Variants in MCUR1 observed in about 807,000 individuals in gnomAD.
MCUR1 encodes mitochondrial calcium uniporter regulator 1, also known as MCU regulator 1.
MCUR1 carries 37 observed loss-of-function variants against 42.0 expected under a neutral mutation model. The observed-to-expected ratio is 0.88, with a 90% CI of 0.68 to 1.16. The LOEUF is 1.16. MCUR1 is among the 50% of genes most tolerant of loss of function. The pLI is 0.00. For missense variants in MCUR1, 469 were observed against 468.4 expected (o/e 1.00, Z -0.01); for synonymous variants, 229 against 196.2 (o/e 1.17, Z -1.40).
Position 13,790,521 on chromosome 6 carries a change from G to A in MCUR1, c.*288C>T, listed in dbSNP as rs543708146. 1 of 177,590 alleles carries A rather than the reference G, an allele frequency of 5.6e-6. No homozygotes were observed. 11.0% of individuals were successfully genotyped at this position (177,590 alleles called of 1,614,324 possible). On this transcript the variant is annotated 3_prime_UTR_variant, in exon 9 of 9. Transcript: ENST00000379170. ...TCTGTTGCCCAGGCTGGAGTGCAGT[G>A]ACGTGATCTCGGCTCACTACAAGCT...
chr6:13,799,856 A>T (rs1324948787), intron 5 of MCUR1, among the ~76,000 whole-genome samples: 2 of 107,438 alleles, frequency 1.9e-5, no homozygotes, highest in Admixed American at 1.1e-4. Context: ...TTTTTGAGAC[A>T]GTTTCGTTCT....
Position 13,786,643 on chromosome 6 carries a change from C to A in MCUR1, c.*4166G>T, listed in dbSNP as rs1461080371. 1 of 152,120 alleles carries A rather than the reference C, an allele frequency of 6.6e-6. No homozygotes were observed. The highest frequency in any genetic ancestry group is 1.5e-5 in the Non-Finnish European group (1 of 68,020). The allele number at this position is 152,120 out of a possible 1,614,324, so 9.4% of individuals were successfully genotyped here. ...GAAATTCACCAGTGTTATCATTATA[C>A]AATTGGCTGGAATTAACAGTTGCAA... is the stretch of plus-strand genomic sequence containing the variant. On this transcript the variant is annotated 3_prime_UTR_variant, in exon 9 of 9. Transcript: ENST00000379170.
chr6:13,814,401 C>A lies in MCUR1; in HGVS notation c.29G>T (p.Arg10Met), dbSNP rs776450046. 1 of 1,538,268 alleles carries A rather than the reference C, an allele frequency of 6.5e-7. No homozygotes were observed. The highest frequency in any genetic ancestry group is 2.5e-5 in the East Asian group (1 of 39,358). The change falls in exon 1 of 9, where the codon AGG (arginine) becomes ATG (methionine). Residue 10 changes from arginine to methionine, a missense_variant. By Grantham distance (91) the Arg-to-Met change is moderately conservative. Transcript: ENST00000379170. MDCGSVGGQ[R>M]TQRLPGRQRL... ...CTGGCGGCCGGGCAGGCGCTGGGTC[C>A]TCTGGCCGCCGACCGAGCCGCAGTC...
At chr6:13,798,717 G>T in intron 6 of MCUR1, 116 bp downstream of exon 6, 1 of 691,838 alleles carries the variant, frequency 1.4e-6, no homozygotes, top group Non-Finnish European at 2.3e-6. Flanking sequence ...GCCTAACACT[G>T]ATAAACAGAT....
chr6:13,814,539 C>A lies in MCUR1; in HGVS notation c.-110G>T. ...CAGCGGGAGCGAGCGTGGGCCACAG[C>A]GCAGGACCGCCCTTTCCTGCCGGGC... On this transcript the variant is annotated 5_prime_UTR_variant, in exon 1 of 9. Coordinates refer to ENST00000379170, the MANE Select transcript of MCUR1 (RefSeq NM_001031713.4). The A allele has an allele frequency of 8.4e-7, 1 of 1,194,662 alleles. No homozygotes were observed. Among genetic ancestry groups the A allele is most frequent in the Non-Finnish European group, 1.1e-6 (1 of 946,566 alleles). 74.0% of individuals were successfully genotyped at this position (1,194,662 alleles called of 1,614,324 possible).
chr6:13,786,922 A>G lies in MCUR1; in HGVS notation c.*3887T>C, dbSNP rs1029141596. On this transcript the variant is annotated 3_prime_UTR_variant, in exon 9 of 9. Transcript: ENST00000379170. ...GGCTAAACATTCTCAAATATTTTAC[A>G]TACATGAAGAATAAATTATTTCTGG... 1.3e-5 allele frequency: 2 copies of G among 152,246 alleles called. No individual in the cohort carries two copies. The highest frequency in any genetic ancestry group is 4.8e-5 in the African/African-American group (2 of 41,468). 9.4% of individuals were successfully genotyped at this position (152,246 alleles called of 1,614,324 possible).
In MCUR1 at chr6:13,806,912, G is replaced by C. The variant is rs1421948415; in HGVS notation, c.535+13C>G. ...TTTTCTAAGGCACTAAATGACGAATGACAGAGGATTACCATTGTCTTCCAG... is the reference window on the plus strand; with the variant it reads ...TTTTCTAAGGCACTAAATGACGAATCACAGAGGATTACCATTGTCTTCCAG... On this transcript the variant is annotated intron_variant, in intron 2 of 8. Transcript: ENST00000379170. 1.3e-6 allele frequency: 2 copies of C among 1,580,370 alleles called. No homozygotes were observed. Among genetic ancestry groups the C allele is most frequent in the Non-Finnish European group, 1.7e-6 (2 of 1,158,912 alleles).
intron 1 of MCUR1, 125 bp from the exon 2 acceptor site, chr6:13,807,169 T>C (rs1760129801): frequency 1.2e-5 from 12 of 1,021,966 alleles, no homozygotes; most frequent in Admixed American, 9.0e-5. Flanking sequence ...CGTTGAGATA[T>C]ACAATTCACC....
intron 1 of MCUR1, among the ~76,000 whole-genome samples, chr6:13,810,760 G>A (rs1353651933): frequency 2.0e-5 from 3 of 152,314 alleles, no homozygotes; most frequent in Non-Finnish European, 2.9e-5. Flanking sequence ...TGCAAGAGAT[G>A]CAATAATCCA....
rs545122147 is a variant in MCUR1 at position 13,813,585 on chromosome 6, A to C, written c.415+430T>G. On this transcript the variant is annotated intron_variant, in intron 1 of 8. Coordinates refer to ENST00000379170, the MANE Select transcript of MCUR1 (RefSeq NM_001031713.4). Reference sequence around the variant, plus strand: ...TAGGACTCCACGAATTAATGATTCCATCAGAATTTGAAATCAAACTGTAAA... The same window carrying C: ...TAGGACTCCACGAATTAATGATTCCCTCAGAATTTGAAATCAAACTGTAAA... Among the ~76,000 whole-genome samples, 121 of 152,338 alleles carry C rather than the reference A, an allele frequency of 7.9e-4. No individual in the cohort carries two copies. In the South Asian group the frequency reaches 0.018, roughly 22 times the overall value.
chr6:13,809,903 C>T (rs182083112), intron 1 of MCUR1, among the ~76,000 whole-genome samples: 273 of 150,040 alleles, frequency 1.8e-3, no homozygotes, highest in African/African-American at 6.1e-3. Flanking sequence ...GATCCTGTAT[C>T]GAAAAAAAAA....
At chr6:13,803,910 A>T (rs2113470655) in intron 2 of MCUR1, 1 of 975,868 alleles carries the variant, frequency 1.0e-6, no homozygotes, top group African/African-American at 1.8e-5. Flanking sequence ...AGGCGGGAGG[A>T]TCTTTGAGCC....
At chr6:13,812,836 G>A (rs147446070) in intron 1 of MCUR1, among the ~76,000 whole-genome samples, 448 of 152,282 alleles carry the variant, frequency 2.9e-3, no homozygotes, top group African/African-American at 0.01. Flanking sequence ...TTGATTATCA[G>A]AAATGATTTT....
At chr6:13,811,392 G>C (rs1304616034) in intron 1 of MCUR1, among the ~76,000 whole-genome samples, 2 of 151,868 alleles carry the variant, frequency 1.3e-5, no homozygotes, top group Admixed American at 1.3e-4. Flanking sequence ...TCTGGATTAT[G>C]AAACTGTCTA....
intron 5 of MCUR1, 84 bp downstream of exon 5, chr6:13,800,257 T>C (rs1759961403): frequency 5.3e-6 from 5 of 939,320 alleles, no homozygotes; most frequent in Non-Finnish European, 7.9e-6. Context: ...ATTAAGTTTT[T>C]AAAAACATCC....
intron 2 of MCUR1, 137 bp downstream of exon 2, chr6:13,806,788 C>A: frequency 9.0e-7 from 1 of 1,105,520 alleles, no homozygotes; most frequent in Non-Finnish European, 1.2e-6. Context: ...GAGCCTGTCT[C>A]TAAATAAATT....
rs541912054 is a variant in MCUR1 at position 13,801,528 on chromosome 6, C to G, written c.640-139G>C. The G allele has an allele frequency of 5.0e-6, 3 of 604,014 alleles. No homozygotes were observed. In the African/African-American group the frequency reaches 5.6e-5, roughly 11 times the overall value. The allele number at this position is 604,014 out of a possible 1,614,324, so 37.4% of individuals were successfully genotyped here. A position where few individuals can be genotyped will look rare whatever the true frequency, so the allele number is the denominator to read the frequency against. On this transcript the variant is annotated intron_variant, in intron 3 of 8. Transcript: ENST00000379170. ...AGGTTCAGTAGGGTCATCCTTTATT[C>G]CAAAAGGGGAAAAGGAAAAGAAAAA...
chr6:13,809,870 C>T (rs1760194043), intron 1 of MCUR1, among the ~76,000 whole-genome samples: 1 of 151,820 alleles, frequency 6.6e-6, no homozygotes, highest in Non-Finnish European at 1.5e-5. Flanking sequence ...CACCACTGCA[C>T]TCCAGCCTGG....
chr6:13,806,880 A>G (rs757951661), intron 2 of MCUR1, 45 bp downstream of exon 2: 6 of 1,528,670 alleles, frequency 3.9e-6, no homozygotes, highest in South Asian at 1.2e-5. Context: ...GTCATAATTT[A>G]AAGTGTTTTT....
Sources: allele counts gnomAD v4.1 joint callset (sites outside exome capture counted in the v4.1 genomes callset), GRCh38; gene constraint gnomAD v4.1.1; transcripts MANE v1.5; gene names NCBI Gene and HGNC (gene_info 2026-07-23, HGNC 2026-07-21).